The following KLHL13 variants were observed in gnomAD, a reference collection of about 807,000 sequenced individuals.
KLHL13 encodes kelch like family member 13, also known as kelch-like protein 13.
KLHL13 carries 10 observed loss-of-function variants against 37.1 expected under a neutral mutation model. The observed-to-expected ratio is 0.27, with a 90% CI of 0.17 to 0.46. The LOEUF (loss-of-function observed/expected upper bound fraction) is 0.46. Among genes scored for constraint, KLHL13 ranks in the 20% least tolerant of loss-of-function variants. KLHL13 has a pLI of 1.00. For missense variants in KLHL13, 360 were observed against 509.3 expected, an observed-to-expected ratio of 0.71 and a Z score of 2.82; for synonymous variants, 163 against 181.2, an observed-to-expected ratio of 0.90 and a Z score of 0.81.
chrX:118,069,386 T>C (rs2054830884), intron 1 of KLHL13, among the ~76,000 whole-genome samples: 2 of 99,438 alleles, frequency 2.0e-5, no homozygotes, highest in South Asian at 9.8e-4. Context: ...TATATGCTTG[T>C]GTCTTCGTTT....
chrX:118,050,831 T>A (rs1003041267), intron 1 of KLHL13, among the ~76,000 whole-genome samples: 9 of 111,859 alleles, frequency 8.0e-5, no homozygotes, highest in Non-Finnish European at 1.7e-4. Flanking sequence ...AATTATTATT[T>A]ACATCAGTGG....
rs997158358 is a variant in KLHL13, at chrX:118,018,561, T to A, written c.-55-72986A>T. Among the ~76,000 whole-genome samples, 14 of 111,900 alleles carry A rather than the reference T, an allele frequency of 1.3e-4. No homozygotes were observed. In the East Asian group the frequency reaches 3.9e-3, roughly 31 times the overall value. On this transcript the variant is annotated intron_variant, in intron 1 of 6. Transcript: ENST00000371882. ...ATTTGCTTTGCCAAATTTTTAAATATCCTCCTAAATTTATGTAGAATGTAT... is the reference window on the plus strand; with the variant it reads ...ATTTGCTTTGCCAAATTTTTAAATAACCTCCTAAATTTATGTAGAATGTAT...
chrX:117,916,726 A>G (rs756823682), intron 4 of KLHL13, among the ~76,000 whole-genome samples: 3 of 112,468 alleles, frequency 2.7e-5, no homozygotes, highest in Non-Finnish European at 3.8e-5. Context: ...TGAGAATAGG[A>G]TAGAACAGAA....
At chrX:118,063,712 C>T (rs189195258) in intron 1 of KLHL13, among the ~76,000 whole-genome samples, 17 of 111,550 alleles carry the variant, frequency 1.5e-4, no homozygotes, top group Non-Finnish European at 3.2e-4. Context: ...GCAATGTGAA[C>T]TCTGGAGCAT....
At chrX:117,940,566 T>C (rs1007435899) in intron 2 of KLHL13, among the ~76,000 whole-genome samples, 18 of 112,114 alleles carry the variant, frequency 1.6e-4, no homozygotes, top group Admixed American at 2.8e-4. Flanking sequence ...TGATTCTTCC[T>C]ATCCATGAGC....
intron 6 of KLHL13, among the ~76,000 whole-genome samples, chrX:117,901,248 T>A (rs1347870916): frequency 1.8e-5 from 2 of 111,439 alleles, no homozygotes; most frequent in African/African-American, 6.5e-5. Context: ...CTCCTTCACA[T>A]AGTTTAGCTA....
chrX:118,023,532 A>G (rs2054243140), intron 1 of KLHL13, among the ~76,000 whole-genome samples: 1 of 111,808 alleles, frequency 8.9e-6, no homozygotes, highest in South Asian at 3.8e-4. Flanking sequence ...ATGCTGGGAT[A>G]AAACTTTCTT....
rs148176677 is a variant in KLHL13, at chrX:117,959,271, G to A, written c.98+13460C>T. On this transcript the variant is annotated intron_variant, in intron 1 of 6. Coordinates refer to ENST00000262820, the Ensembl canonical transcript of KLHL13. ...ACGCACCCTCTGTAGGAAAGTGATC[G>A]TAACGAATGAGAAAATCACTTCAAT... is the stretch of plus-strand genomic sequence containing the variant. Among the ~76,000 whole-genome samples, 219 of 112,084 alleles carry A rather than the reference G, an allele frequency of 2.0e-3. 1 individual carries two copies. The highest frequency in any genetic ancestry group is 6.5e-3 in the African/African-American group (200 of 30,895).
chrX:117,989,889 G>A, intron 1 of KLHL13, among the ~76,000 whole-genome samples: 1 of 110,864 alleles, frequency 9.0e-6, no homozygotes, highest in East Asian at 2.8e-4. Flanking sequence ...TCTCTCTTTG[G>A]GTTAAAACTG....
At chrX:117,998,526 AC>A (rs967594971) in intron 1 of KLHL13, among the ~76,000 whole-genome samples, 3 of 111,361 alleles carry the variant, frequency 2.7e-5, no homozygotes, top group South Asian at 3.8e-4. Flanking sequence ...AGGAGCAACT[AC>A]CCCTAGGGCT....
chrX:117,938,592 G>A (rs1158877819), intron 2 of KLHL13, among the ~76,000 whole-genome samples: 7 of 111,428 alleles, frequency 6.3e-5, no homozygotes, highest in Non-Finnish European at 1.1e-4. Flanking sequence ...ATCTCTCACT[G>A]CACTACAGTG....
At chrX:117,901,432 A>G (rs12009449) in intron 6 of KLHL13, among the ~76,000 whole-genome samples, 6,963 of 110,860 alleles carry the variant, frequency 0.063, 200 homozygotes, top group Middle Eastern at 0.12. Flanking sequence ...AATGCCCAAG[A>G]CATTCATATG....
intron 1 of KLHL13, among the ~76,000 whole-genome samples, chrX:118,085,718 G>T (rs1391163785): frequency 9.1e-6 from 1 of 109,325 alleles, no homozygotes; most frequent in Non-Finnish European, 1.9e-5. Context: ...ACTTCACTCA[G>T]GATAATGGCC....
chrX:117,909,781 C>T (rs1930843502), exon 5 of KLHL13: 2 of 1,209,940 alleles, frequency 1.7e-6, no homozygotes, highest in Admixed American at 2.2e-5. Flanking sequence ...ACCGTTTGCA[C>T]GTAATTAATG....
exon 5 of KLHL13, chrX:117,909,548 G>A (rs1450688096): frequency 8.3e-7 from 1 of 1,211,299 alleles, no homozygotes; most frequent in Admixed American, 2.2e-5. Context: ...CATCCATGGG[G>A]GCTAACGATT....
intron 1 of KLHL13, among the ~76,000 whole-genome samples, chrX:118,089,588 A>AAGAGAG (rs199722513): frequency 3.4e-4 from 27 of 80,185 alleles, no homozygotes; most frequent in African/African-American, 1.3e-3. Flanking sequence ...AAGAAAAGAA[A>AAGAGAG]AGAGAGAGAG....
At chrX:118,080,555 A>G (rs747289429) in intron 1 of KLHL13, among the ~76,000 whole-genome samples, 10 of 112,121 alleles carry the variant, frequency 8.9e-5, no homozygotes, top group Non-Finnish European at 1.5e-4. Context: ...CAAGACCACA[A>G]TGAGATACCC....
At chrX:117,994,122 T>G (rs188113926) in intron 1 of KLHL13, among the ~76,000 whole-genome samples, 1 of 112,355 alleles carries the variant, frequency 8.9e-6, no homozygotes, top group African/African-American at 3.2e-5. Context: ...AACTCCCATC[T>G]TTCCATCAAC....
intron 1 of KLHL13, among the ~76,000 whole-genome samples, chrX:118,050,218 C>T (rs776726392): frequency 1.8e-5 from 2 of 111,933 alleles, no homozygotes; most frequent in South Asian, 7.6e-4. Context: ...CTTGGTAGTC[C>T]CTTCTCATGT....
Sources: allele counts gnomAD v4.1 joint callset (sites outside exome capture counted in the v4.1 genomes callset), GRCh38; gene constraint gnomAD v4.1.1; transcripts MANE v1.5; gene names NCBI Gene and HGNC (gene_info 2026-07-23, HGNC 2026-07-21).